Variants in PSMD4 observed in about 807,000 individuals in gnomAD.
PSMD4 encodes the protein 26S proteasome non-ATPase regulatory subunit 4.
PSMD4 carries 5 observed loss-of-function variants against 39.7 expected under a neutral mutation model. The ratio of observed to expected loss-of-function variants is 0.13; its 90% confidence interval spans 0.07 to 0.26. The LOEUF (loss-of-function observed/expected upper bound fraction) is 0.26, where lower values mean the gene tolerates loss of function less well. Ranked by LOEUF, PSMD4 falls within the 10% of genes least tolerant of loss-of-function variation. The probability of loss-of-function intolerance (pLI) is 1.00; values close to 1 mark genes in which losing one functional copy is unlikely to be tolerated. For synonymous variants in PSMD4, 143 were observed against 174.6 expected (o/e 0.82, Z 1.43); for missense variants, 272 against 486.1 (o/e 0.56, Z 4.14).
intron 3 of PSMD4, 132 bp from the exon 4 acceptor site, chr1:151,264,700 C>T (rs1424142529): frequency 1.8e-5 from 12 of 680,360 alleles, no homozygotes; most frequent in Non-Finnish European, 2.9e-5. Flanking sequence ...GGTGTTAAAT[C>T]TTGTGTGAAC....
At chr1:151,257,715 CTTTTTTTTTTTT>C (rs71090149) in intron 1 of PSMD4, among the ~76,000 whole-genome samples, 4 of 88,718 alleles carry the variant, frequency 4.5e-5, no homozygotes, top group South Asian at 4.3e-4. Context: ...ACCTGGCTTT[CTTTTTTTTTTTT>C]TTTTTTTTTT....
At chr1:151,265,735 C>A in intron 6 of PSMD4, 126 bp downstream of exon 6, 1 of 1,062,472 alleles carries the variant, frequency 9.4e-7, no homozygotes. Context: ...TTTCCAAGAC[C>A]TCCTTTTGCC....
rs200077868 is a variant in PSMD4 at position 151,262,173 on chromosome 1, T to C, written c.39T>C (p.Ser13=). Residue 13 remains serine, a synonymous_variant, in exon 2 of 10, where the codon AGT becomes AGC. Transcript: ENST00000368884. ...CCTAATCTGACAGTGTGGACAACAG[T>C]GAGTATATGCGGAATGGAGACTTCT... The part of the protein sequence containing the change: ...LESTMVCVDN[S]EYMRNGDFLP... The C allele has an allele frequency of 1.9e-6, 3 of 1,613,334 alleles. No individual in the cohort carries two copies. The African/African-American group carries it at 4.0e-5, about 22-fold the overall frequency.
rs918703966 is a variant in PSMD4, at chr1:151,257,559, A to T, written c.26+2751A>T. Among the ~76,000 whole-genome samples the T allele has an allele frequency of 3.5e-4, 53 of 151,890 alleles. 1 individual carries two copies. Among genetic ancestry groups the T allele is most frequent in the African/African-American group, 1.1e-3 (47 of 41,430 alleles). ...GCCAATTTTAATTAATTAATTAATT[A>T]ATTTATGAGACAGAGTCTTGCTCTG... is the stretch of plus-strand genomic sequence containing the variant. On this transcript the variant is annotated intron_variant, in intron 1 of 9. Coordinates refer to ENST00000368884, the MANE Select transcript of PSMD4 (RefSeq NM_002810.4).
intron 3 of PSMD4, 74 bp from the exon 4 acceptor site, chr1:151,264,758 G>A (rs1571071486): frequency 8.0e-7 from 1 of 1,244,754 alleles, no homozygotes; most frequent in East Asian, 2.4e-5. Flanking sequence ...GTAAGAAAAA[G>A]GGAACCGAGT....
At chr1:151,262,570 A>G in intron 2 of PSMD4, 1 of 403,876 alleles carries the variant, frequency 2.5e-6, no homozygotes, top group Non-Finnish European at 4.6e-6. Flanking sequence ...AATATATTTT[A>G]AAGTCAGTGA....
At chr1:151,256,647 G>A (rs1463837414) in intron 1 of PSMD4, among the ~76,000 whole-genome samples, 1 of 150,240 alleles carries the variant, frequency 6.7e-6, no homozygotes, top group Non-Finnish European at 1.5e-5. Flanking sequence ...ATGTTGGCCA[G>A]GCTAGTCTCA....
Position 151,265,371 on chromosome 1 carries a change from A to G in PSMD4, c.439-23A>G, listed in dbSNP as rs749202457. ...CAGGGAGCAAGGCCTGAAGAAGGGCATCATGTGTTCTTTCCTCCCCAGGAG... is the reference window on the plus strand; with the variant it reads ...CAGGGAGCAAGGCCTGAAGAAGGGCGTCATGTGTTCTTTCCTCCCCAGGAG... On this transcript the variant is annotated intron_variant, in intron 5 of 9. Transcript: ENST00000368884. 5 of 1,611,918 alleles carry G rather than the reference A, an allele frequency of 3.1e-6. No individual in the cohort carries two copies. In the South Asian group the frequency reaches 5.5e-5, roughly 18 times the overall value.
intron 1 of PSMD4, among the ~76,000 whole-genome samples, chr1:151,260,394 A>T (rs1440558103): frequency 6.6e-6 from 1 of 152,148 alleles, no homozygotes; most frequent in African/African-American, 2.4e-5. Context: ...ATTATATTTC[A>T]CATTAGCTGG....
chr1:151,256,542 G>A (rs1483287197), intron 1 of PSMD4, among the ~76,000 whole-genome samples: 3 of 149,040 alleles, frequency 2.0e-5, no homozygotes, highest in Non-Finnish European at 4.4e-5. Context: ...TGGTTCAAGT[G>A]ATTCTCCTGC....
At chr1:151,265,803 GTTCAC>G (rs1261121682) in intron 6 of PSMD4, among the ~76,000 whole-genome samples, 194 bp downstream of exon 6, 1 of 152,178 alleles carries the variant, frequency 6.6e-6, no homozygotes, top group Non-Finnish European at 1.5e-5. Flanking sequence ...ATGCTTTCTT[GTTCAC>G]TTCTGATGAA....
In PSMD4 at chr1:151,265,579, A is replaced by G. The variant is rs770348663; in HGVS notation, c.624A>G (p.Val208=). ...GLGASDFEFG[V]DPSADPELAL... ...GTGCCAGTGACTTTGAATTTGGAGT[A>G]GATCCCAGTGCTGATCCTGAGCTGG... Residue 208 remains valine (V), a synonymous_variant, in exon 6 of 10, where the codon GTA becomes GTG. Coordinates refer to ENST00000368884, the MANE Select transcript of PSMD4 (RefSeq NM_002810.4). 3.1e-6 allele frequency: 5 copies of G among 1,614,004 alleles called. No individual in the cohort carries two copies. The East Asian group carries it at 6.7e-5, about 22-fold the overall frequency.
At chr1:151,257,168 G>A (rs1693195029) in intron 1 of PSMD4, among the ~76,000 whole-genome samples, 1 of 152,206 alleles carries the variant, frequency 6.6e-6, no homozygotes. Context: ...GGCTAGCCTA[G>A]CCAGTATCCC....
chr1:151,261,331 A>G (rs587661642), intron 1 of PSMD4, among the ~76,000 whole-genome samples: 1 of 151,088 alleles, frequency 6.6e-6, no homozygotes, highest in South Asian at 2.1e-4. Context: ...ATGTGCCACC[A>G]CGCCCAGCTA....
intron 2 of PSMD4, 153 bp downstream of exon 2, chr1:151,262,454 A>C: frequency 1.2e-6 from 1 of 867,600 alleles, no homozygotes; most frequent in South Asian, 1.6e-5. Context: ...TGTTTTTTGT[A>C]TTAACCTGTA....
intron 1 of PSMD4, among the ~76,000 whole-genome samples, chr1:151,259,411 G>A (rs1238053606): frequency 6.6e-6 from 1 of 152,070 alleles, no homozygotes; most frequent in Non-Finnish European, 1.5e-5. Flanking sequence ...TTCTGATTTG[G>A]GGCATTTCGG....
At chr1:151,261,727 G>A (rs939106040) in intron 1 of PSMD4, among the ~76,000 whole-genome samples, 1 of 152,004 alleles carries the variant, frequency 6.6e-6, no homozygotes, top group Non-Finnish European at 1.5e-5. Context: ...GTGGAGGCAG[G>A]AGGATCTCTT....
At chr1:151,266,764 G>C in intron 9 of PSMD4, 177 bp downstream of exon 9, 3 of 850,222 alleles carry the variant, frequency 3.5e-6, no homozygotes, top group Non-Finnish European at 5.7e-6. Flanking sequence ...GGTCAGAGTT[G>C]GAGAAATGTC....
chr1:151,254,886 G>T, intron 1 of PSMD4, 78 bp downstream of exon 1: 4 of 1,369,726 alleles, frequency 2.9e-6, no homozygotes, highest in South Asian at 3.2e-5. Context: ...AGGGCCTGGG[G>T]TGGGGGCCAG....
Sources: gnomAD v4.1 joint callset for allele counts (sites outside exome capture counted in the v4.1 genomes callset) on GRCh38, gnomAD v4.1.1 for gene constraint, MANE v1.5 for transcripts, NCBI Gene and HGNC (gene_info 2026-07-23, HGNC 2026-07-21) for gene names.